TENM4: variants seen among roughly 807,000 people sequenced by gnomAD.
TENM4 encodes teneurin-4.
In TENM4, 82 loss-of-function variants were observed where a neutral mutation model predicts 243.3. The observed-to-expected ratio is 0.34, with a 90% CI of 0.28 to 0.40. The LOEUF (loss-of-function observed/expected upper bound fraction) is 0.40. Among genes scored for constraint, TENM4 ranks in the 10% least tolerant of loss-of-function variants. The probability of loss-of-function intolerance (pLI) is 1.00; values close to 1 mark genes in which losing one functional copy is unlikely to be tolerated. For missense variants in TENM4, 3,138 were observed against 3,673.3 expected (o/e 0.85, Z 3.77); for synonymous variants, 1,412 against 1,456.3 (o/e 0.97, Z 0.69).
chr11:78,707,115 T>C (rs1040294700), intron 27 of TENM4, among the ~76,000 whole-genome samples: 1 of 152,162 alleles, frequency 6.6e-6, no homozygotes, highest in African/African-American at 2.4e-5. Context: ...TGGAAGCAGG[T>C]GACACAGTCA....
At chr11:79,144,552 G>T (rs1408095324) in intron 4 of TENM4, among the ~76,000 whole-genome samples, 1 of 151,992 alleles carries the variant, frequency 6.6e-6, no homozygotes, top group Non-Finnish European at 1.5e-5. Context: ...CAGATGAATG[G>T]ATAAAGAAAA....
intron 6 of TENM4, among the ~76,000 whole-genome samples, chr11:79,054,022 G>A (rs1362639039): frequency 6.6e-6 from 1 of 152,194 alleles, no homozygotes; most frequent in Non-Finnish European, 1.5e-5. Context: ...TTCCTCTCCA[G>A]TTGCCTTTGT....
chr11:79,063,292 C>A (rs1373437230), intron 6 of TENM4, among the ~76,000 whole-genome samples: 3 of 152,236 alleles, frequency 2.0e-5, no homozygotes, highest in Non-Finnish European at 4.4e-5. Flanking sequence ...CTCTAAGCCT[C>A]ATCTCTGACC....
chr11:78,768,252 G>A (rs535586059), intron 18 of TENM4, among the ~76,000 whole-genome samples: 5 of 152,314 alleles, frequency 3.3e-5, no homozygotes, highest in African/African-American at 4.8e-5. Context: ...GAGGTGAGAC[G>A]TTTCCTCATT....
At chr11:78,707,089 G>C (rs1859274042) in intron 27 of TENM4, among the ~76,000 whole-genome samples, 1 of 152,194 alleles carries the variant, frequency 6.6e-6, no homozygotes, top group South Asian at 2.1e-4. Flanking sequence ...ACAGAGGTAG[G>C]CATGACCAGA....
intron 1 of TENM4, among the ~76,000 whole-genome samples, chr11:79,392,758 C>T (rs1013306969): frequency 3.9e-5 from 6 of 152,186 alleles, no homozygotes; most frequent in South Asian, 2.1e-4. Context: ...TAAAGCATGA[C>T]GTAGGGTTTA....
At chr11:78,684,561 T>C (rs1045087727) in intron 29 of TENM4, among the ~76,000 whole-genome samples, 7 of 150,652 alleles carry the variant, frequency 4.6e-5, no homozygotes, top group South Asian at 2.1e-4. Flanking sequence ...CACACACACA[T>C]CATGGTGAAC....
chr11:78,890,872 C>G (rs1189307899), intron 8 of TENM4, among the ~76,000 whole-genome samples: 1 of 152,192 alleles, frequency 6.6e-6, no homozygotes, highest in Non-Finnish European at 1.5e-5. Context: ...CCCCCAGAAG[C>G]CTTAGGGCAA....
At chr11:79,380,898 TG>T (rs1857987865) in intron 1 of TENM4, among the ~76,000 whole-genome samples, 1 of 152,178 alleles carries the variant, frequency 6.6e-6, no homozygotes, top group South Asian at 2.1e-4. Context: ...TAGTAAGGCT[TG>T]GGGCTGTGTG....
Position 78,970,956 on chromosome 11 carries a change from A to G in TENM4, c.494-67433T>C, listed in dbSNP as rs541857977. Among the ~76,000 whole-genome samples the G allele has an allele frequency of 7.9e-5, 12 of 152,268 alleles. No homozygotes were observed. The East Asian group carries it at 1.9e-3, about 24-fold the overall frequency. On this transcript the variant is annotated intron_variant, in intron 6 of 33. Coordinates refer to ENST00000278550, the MANE Select transcript of TENM4 (RefSeq NM_001098816.3). ...AATAGAAAATTTTTAATATGCTTTT[A>G]TATCTTCAAAATTTTCTATAATTAG...
chr11:78,736,445 AGTGTGT>A (rs3223449), intron 20 of TENM4, among the ~76,000 whole-genome samples: 13,267 of 145,040 alleles, frequency 0.091, 638 homozygotes, highest in Middle Eastern at 0.14. Flanking sequence ...GATTTCAGCA[AGTGTGT>A]GTGTGTGTGT....
chr11:78,675,610 T>G (rs1012099610), intron 30 of TENM4, among the ~76,000 whole-genome samples: 3 of 152,182 alleles, frequency 2.0e-5, no homozygotes, highest in African/African-American at 7.2e-5. Flanking sequence ...TGTCAGACCA[T>G]GATGCCAGCC....
chr11:79,220,187 C>G (rs1173007939), intron 2 of TENM4, among the ~76,000 whole-genome samples: 1 of 152,246 alleles, frequency 6.6e-6, no homozygotes, highest in Non-Finnish European at 1.5e-5. Context: ...AGAACTGTAT[C>G]ATCGCACCTG....
intron 12 of TENM4, among the ~76,000 whole-genome samples, chr11:78,843,516 T>C (rs534327800): frequency 6.6e-6 from 1 of 152,150 alleles, no homozygotes; most frequent in Non-Finnish European, 1.5e-5. Flanking sequence ...AGAAATAGTT[T>C]ATGTTAAATA....
intron 15 of TENM4, among the ~76,000 whole-genome samples, chr11:78,793,061 G>A (rs145068041): frequency 2.0e-5 from 3 of 152,320 alleles, no homozygotes; most frequent in Non-Finnish European, 4.4e-5. Flanking sequence ...CTCATTAGAT[G>A]TTAATCCCCG....
intron 3 of TENM4, among the ~76,000 whole-genome samples, chr11:79,150,737 T>A (rs763521490): frequency 4.6e-5 from 7 of 152,226 alleles, no homozygotes; most frequent in Middle Eastern, 3.4e-3. Context: ...GGTTCTTCTT[T>A]CCCCCCAAGG....
intron 29 of TENM4, among the ~76,000 whole-genome samples, chr11:78,686,753 AG>A (rs1482106077): frequency 6.6e-6 from 1 of 152,236 alleles, no homozygotes; most frequent in African/African-American, 2.4e-5. Flanking sequence ...GTGTGAGAAC[AG>A]ACGAAACACT....
intron 6 of TENM4, among the ~76,000 whole-genome samples, chr11:78,994,087 C>A (rs536073074): frequency 6.6e-6 from 1 of 152,306 alleles, no homozygotes; most frequent in South Asian, 2.1e-4. Flanking sequence ...GTAGCCTTGA[C>A]TCTATAACTA....
chr11:78,688,381 G>C (rs894337552), intron 28 of TENM4, among the ~76,000 whole-genome samples, 155 bp from the exon 29 acceptor site: 1 of 152,116 alleles, frequency 6.6e-6, no homozygotes, highest in Non-Finnish European at 1.5e-5. Context: ...CACAGGACCT[G>C]GTACATAGAT....
Sources: gnomAD v4.1 joint callset for allele counts (sites outside exome capture counted in the v4.1 genomes callset) on GRCh38, gnomAD v4.1.1 for gene constraint, MANE v1.5 for transcripts, NCBI Gene and HGNC (gene_info 2026-07-23, HGNC 2026-07-21) for gene names.